NEK8: variants seen among roughly 807,000 people sequenced by gnomAD.
NEK8 encodes serine/threonine-protein kinase Nek8.
NEK8 carries 51 observed loss-of-function variants against 77.2 expected under a neutral mutation model. The ratio of observed to expected loss-of-function variants is 0.66; its 90% CI spans 0.53 to 0.83. The LOEUF is 0.83. Ranked by LOEUF, NEK8 falls within the 40% of genes least tolerant of loss-of-function variation. The probability of loss-of-function intolerance (pLI) is 0.00; values close to 1 mark genes in which losing one functional copy is unlikely to be tolerated. For missense variants in NEK8, 787 were observed against 909.2 expected, an observed-to-expected ratio of 0.87 and a Z score of 1.73; for synonymous variants, 365 against 363.2, an observed-to-expected ratio of 1.00 and a Z score of -0.06.
rs1373429777 is a variant in NEK8 at position 28,738,693 on chromosome 17, C to T, written c.1245C>T (p.Phe415=). Residue 415 remains phenylalanine, a synonymous_variant, in exon 9 of 15, where the codon TTC becomes TTT. Transcript: ENST00000268766. The part of the protein sequence containing the change: ...CLTDRGIIMT[F]GSGSNGCLGH... ...CAGACAGAGGCATCATCATGACATT[C>T]GGCAGCGGCAGCAATGGGTGCCTAG... 4.3e-6 allele frequency: 7 copies of T among 1,614,124 alleles called. No homozygotes were observed. Among genetic ancestry groups the T allele is most frequent in the African/African-American group, 2.7e-5 (2 of 75,046 alleles).
rs1567759132 is a variant in NEK8, at chr17:28,734,074, G to T, written c.139G>T (p.Ala47Ser). The change falls in exon 2 of 15, where the codon GCA (alanine) becomes TCA (serine). Residue 47 changes from alanine (A) to serine (S), a missense_variant. Transcript: ENST00000268766. ...ACAGATGACCAAGGAAGAGCGGCAG[G>T]CAGCCCAGAATGAGTGCCAGGTCCT... ...VEQMTKEERQ[A>S]AQNECQVLKL... 6.2e-7 allele frequency: 1 copy of T among 1,614,218 alleles called. No homozygotes were observed. The highest frequency in any genetic ancestry group is 8.5e-7 in the Non-Finnish European group (1 of 1,180,014).
intron 2 of NEK8, 181 bp from the exon 3 acceptor site, chr17:28,734,591 G>A (rs1431624865): frequency 4.9e-6 from 3 of 615,416 alleles, no homozygotes; most frequent in African/African-American, 3.7e-5. Flanking sequence ...GGCTGAGGCA[G>A]GAGAATGGCT....
At chr17:28,729,400 G>A (rs1050439281) in intron 1 of NEK8, among the ~76,000 whole-genome samples, 8 of 152,130 alleles carry the variant, frequency 5.3e-5, no homozygotes, top group Non-Finnish European at 1.0e-4. Context: ...CTGTCACCCC[G>A]GCTGGAGTTC....
rs2034409180 is a variant in NEK8 at position 28,740,434 on chromosome 17, A to G, written c.1418-29A>G. ...GGGCATCACCCCCACTAAAGCTCAAATTAACTCCTTCTGGGTTTCTTCTTG... is the reference window on the plus strand; with the variant it reads ...GGGCATCACCCCCACTAAAGCTCAAGTTAACTCCTTCTGGGTTTCTTCTTG... On this transcript the variant is annotated intron_variant, in intron 10 of 14. Coordinates refer to ENST00000268766, the MANE Select transcript of NEK8 (RefSeq NM_178170.3). The surrounding 1 kb of genome is among the most constrained non-coding windows in gnomAD (Gnocchi z 4.7). 2 of 1,613,306 alleles carry G rather than the reference A, an allele frequency of 1.2e-6. No individual in the cohort carries two copies. The highest frequency in any genetic ancestry group is 2.2e-5 in the South Asian group (2 of 91,066).
In NEK8 at chr17:28,738,107, G is replaced by C; in HGVS notation, c.1084G>C (p.Gly362Arg). Reference protein sequence around the residue: ...RLILWEAPPLGAGGGSLLPGA... With the variant: ...RLILWEAPPLRAGGGSLLPGA... ...CCTGCCCCTGCAGGCCCCACCCCTA[G>C]GTGCAGGCGGAGGCAGTCTCCTTCC... is the stretch of plus-strand genomic sequence containing the variant. Residue 362 changes from glycine (G) to arginine (R), a missense_variant, in exon 8 of 15, where the codon GGT (glycine) becomes CGT (arginine). Physicochemically the swap from Gly to Arg is moderately radical, Grantham distance 125 (BLOSUM62 -2). Coordinates refer to ENST00000268766, the MANE Select transcript of NEK8 (RefSeq NM_178170.3). 6.2e-7 allele frequency: 1 copy of C among 1,613,688 alleles called. No individual in the cohort carries two copies. Among genetic ancestry groups the C allele is most frequent in the Non-Finnish European group, 8.5e-7 (1 of 1,179,840 alleles).
rs752628748 is a variant in NEK8, at chr17:28,740,900, C to A, written c.1647C>A (p.Ser549Arg). The A allele has an allele frequency of 2.5e-6, 4 of 1,614,020 alleles. No individual in the cohort carries two copies. In the African/African-American group the frequency reaches 5.3e-5, roughly 22 times the overall value. Reference protein sequence around the residue: ...VPHQQVEEALSFTLLGSAPLD... With the variant: ...VPHQQVEEALRFTLLGSAPLD... ...ACCAGCAAGTGGAGGAGGCCCTGAG[C>A]TTCACACTACTAGGCTCTGCACCCC... Residue 549 changes from serine to arginine, a missense_variant, in exon 12 of 15, where the codon AGC becomes AGA. Ser to Arg is a moderately radical substitution (Grantham distance 110, BLOSUM62 -1). Transcript: ENST00000268766. This position sits in a 1 kb window ranked among gnomAD's most constrained non-coding sequence, Gnocchi z 4.7.
chr17:28,733,960 G>T (rs1183037053), intron 1 of NEK8, 23 bp from the exon 2 acceptor site: 5 of 1,609,994 alleles, frequency 3.1e-6, no homozygotes, highest in Non-Finnish European at 4.2e-6. Flanking sequence ...CTGGTAACCT[G>T]TCCCTGTCCT....
rs1567763575 is a variant in NEK8 at position 28,743,101 on chromosome 17, A to AT, written c.*1114_*1115insT. ...AAAAAAAAAAAAAAAAAAAAAAAAA[A>AT]AGTATTTGGTGCTTACCGGGACTCT... is the stretch of plus-strand genomic sequence containing the variant. On this transcript the variant is annotated 3_prime_UTR_variant, in exon 15 of 15. Coordinates refer to ENST00000268766, the MANE Select transcript of NEK8 (RefSeq NM_178170.3). The AT allele has an allele frequency of 6.9e-5, 10 of 144,698 alleles. No individual in the cohort carries two copies. Among genetic ancestry groups the AT allele is most frequent in the Non-Finnish European group, 6.0e-5 (4 of 66,146 alleles). 9.0% of individuals were successfully genotyped at this position (144,698 alleles called of 1,614,324 possible). A position where few individuals can be genotyped will look rare whatever the true frequency, so the allele number is the denominator to read the frequency against.
In NEK8 at chr17:28,740,736, A is replaced by G; in HGVS notation, c.1569-86A>G. ...AGGGGGTTGAGGGTGCTATTGGTTC[A>G]ACCCAGGGTGGGATCTGTCTCCTGG... On this transcript the variant is annotated intron_variant, in intron 11 of 14. Coordinates refer to ENST00000268766, the MANE Select transcript of NEK8 (RefSeq NM_178170.3). The surrounding 1 kb of genome is among the most constrained non-coding windows in gnomAD (Gnocchi z 4.7). 6.3e-7 allele frequency: 1 copy of G among 1,589,362 alleles called. No homozygotes were observed. The highest frequency in any genetic ancestry group is 2.2e-5 in the East Asian group (1 of 44,764).
rs2034410686 is a variant in NEK8, at chr17:28,740,585, G to A, written c.1540G>A (p.Gly514Ser). 1.2e-6 allele frequency: 2 copies of A among 1,614,080 alleles called. No homozygotes were observed. The highest frequency in any genetic ancestry group is 8.5e-7 in the Non-Finnish European group (1 of 1,180,026). ...IDSSMILTVP[G>S]QALACGSNRF... ...TTCCTCCATGATCCTCACTGTGCCT[G>A]GCCAAGCCCTAGCCTGTGGGAGCAA... The change falls in exon 11 of 15, where the codon GGC becomes AGC. Residue 514 changes from glycine to serine, a missense_variant. Physicochemically the swap from Gly to Ser is moderately conservative, Grantham distance 56 (BLOSUM62 0). This residue lies in a region of NEK8 where 516 missense variants were observed against 544.0 expected (regional missense o/e 0.95). Transcript: ENST00000268766. The surrounding 1 kb of genome is among the most constrained non-coding windows in gnomAD (Gnocchi z 4.7).
At position 28,740,821 on chromosome 17, in the gene NEK8, G is replaced by A; in HGVS notation, c.1569-1G>A. The A allele has an allele frequency of 6.2e-7, 1 of 1,613,578 alleles. No homozygotes were observed. ...GATTTGGCTTCTGGCTCTGCCCTCA[G>A]GTTCAACAAGCTGGGCCTGGACCAC... On this transcript the variant is annotated splice_acceptor_variant, in intron 11 of 14. Transcript: ENST00000268766. LOFTEE classifies it high-confidence loss of function. The surrounding 1 kb of genome is among the most constrained non-coding windows in gnomAD (Gnocchi z 4.7).
At chr17:28,729,592 G>C (rs921648005) in intron 1 of NEK8, among the ~76,000 whole-genome samples, 1 of 136,204 alleles carries the variant, frequency 7.3e-6, no homozygotes, top group Non-Finnish European at 1.5e-5. Flanking sequence ...GCGCGATCTC[G>C]AGTGCAGTGG....
In NEK8 at chr17:28,740,459, G is replaced by A. The variant is rs201812598; in HGVS notation, c.1418-4G>A. On this transcript the variant is annotated splice_polypyrimidine_tract_variant and splice_region_variant and intron_variant, in intron 10 of 14. Coordinates refer to ENST00000268766, the MANE Select transcript of NEK8 (RefSeq NM_178170.3). This position sits in a 1 kb window ranked among gnomAD's most constrained non-coding sequence, Gnocchi z 4.7. Reference sequence around the variant, plus strand: ...ATTAACTCCTTCTGGGTTTCTTCTTGTAGGCAGACTGGGGCTAGGCACCAG... The same window carrying A: ...ATTAACTCCTTCTGGGTTTCTTCTTATAGGCAGACTGGGGCTAGGCACCAG... 1 of 1,614,040 alleles carries A rather than the reference G, an allele frequency of 6.2e-7. No homozygotes were observed. The highest frequency in any genetic ancestry group is 8.5e-7 in the Non-Finnish European group (1 of 1,179,980).
intron 1 of NEK8, among the ~76,000 whole-genome samples, chr17:28,731,673 G>A (rs994185159): frequency 1.3e-5 from 2 of 150,142 alleles, no homozygotes; most frequent in Admixed American, 1.3e-4. Flanking sequence ...GCACCATCTC[G>A]GCTCATTGCA....
Position 28,737,589 on chromosome 17 carries a change from A to T in NEK8, c.827+75A>T, listed in dbSNP as rs772839851. On this transcript the variant is annotated intron_variant, in intron 5 of 14. Transcript: ENST00000268766. The surrounding 1 kb of genome is among the most constrained non-coding windows in gnomAD (Gnocchi z 4.8). ...AGTGGGAGCACAGGAGGTCTGAGGC[A>T]GAGGGAAACCTGGGGCAAGTCCTCC... 4 of 1,613,664 alleles carry T rather than the reference A, an allele frequency of 2.5e-6. No individual in the cohort carries two copies. The East Asian group carries it at 6.7e-5, about 27-fold the overall frequency.
intron 4 of NEK8, among the ~76,000 whole-genome samples, chr17:28,735,782 T>G (rs1484921470): frequency 6.6e-6 from 1 of 152,120 alleles, no homozygotes; most frequent in Non-Finnish European, 1.5e-5. Context: ...ATTTATTTAT[T>G]TTTTTTATTA....
rs755619522 is a variant in NEK8 at position 28,740,469 on chromosome 17, T to G, written c.1424T>G (p.Leu475Arg). Residue 475 changes from leucine to arginine, a missense_variant, in exon 11 of 15, where the codon CTG becomes CGG. By Grantham distance (102) the Leu-to-Arg change is moderately radical. Coordinates refer to ENST00000268766, the MANE Select transcript of NEK8 (RefSeq NM_178170.3). This position sits in a 1 kb window ranked among gnomAD's most constrained non-coding sequence, Gnocchi z 4.7. ...FAWGRGDSGR[L>R]GLGTRESHSC... ...TCTGGGTTTCTTCTTGTAGGCAGACTGGGGCTAGGCACCAGGGAGTCCCAC... is the reference window on the plus strand; with the variant it reads ...TCTGGGTTTCTTCTTGTAGGCAGACGGGGGCTAGGCACCAGGGAGTCCCAC... 2 of 1,614,084 alleles carry G rather than the reference T, an allele frequency of 1.2e-6. No homozygotes were observed. The highest frequency in any genetic ancestry group is 3.3e-5 in the Admixed American group (2 of 60,022).
chr17:28,740,548 A>G lies in NEK8; in HGVS notation c.1503A>G (p.Val501=). The change falls in exon 11 of 15, where the codon GTA becomes GTG. Residue 501 remains valine, a synonymous_variant. Coordinates refer to ENST00000268766, the MANE Select transcript of NEK8 (RefSeq NM_178170.3). This position sits in a 1 kb window ranked among gnomAD's most constrained non-coding sequence, Gnocchi z 4.7. ...MPPGQEAQRV[V]CGIDSSMILT... ...CAGGACAGGAAGCTCAGCGAGTTGTATGTGGTATCGATTCCTCCATGATCC... is the reference window on the plus strand; with the variant it reads ...CAGGACAGGAAGCTCAGCGAGTTGTGTGTGGTATCGATTCCTCCATGATCC... 7 of 1,614,166 alleles carry G rather than the reference A, an allele frequency of 4.3e-6. No homozygotes were observed. Among genetic ancestry groups the G allele is most frequent in the Non-Finnish European group, 5.9e-6 (7 of 1,180,004 alleles).
rs1429832361 is a variant in NEK8 at position 28,741,826 on chromosome 17, C to T, written c.2051-133C>T. On this transcript the variant is annotated intron_variant, in intron 14 of 14. Transcript: ENST00000268766. This position sits in a 1 kb window ranked among gnomAD's most constrained non-coding sequence, Gnocchi z 4.5. ...CATTCTTTCTCCTACTGCTGAGTCCCGTTGATGCTGAAACTCTCTTTCTGG... is the reference window on the plus strand; with the variant it reads ...CATTCTTTCTCCTACTGCTGAGTCCTGTTGATGCTGAAACTCTCTTTCTGG... The T allele has an allele frequency of 9.8e-6, 10 of 1,022,622 alleles. No individual in the cohort carries two copies. The East Asian group carries it at 1.2e-4, about 12-fold the overall frequency. The allele number at this position is 1,022,622 out of a possible 1,614,324, so 63.3% of individuals were successfully genotyped here. A position where few individuals can be genotyped will look rare whatever the true frequency, so the allele number is the denominator to read the frequency against.
Sources: allele counts gnomAD v4.1 joint callset (sites outside exome capture counted in the v4.1 genomes callset), GRCh38; gene constraint gnomAD v4.1.1; regional missense constraint gnomAD v4.1.1; non-coding constraint Gnocchi (gnomAD v3.1); transcripts MANE v1.5; gene names NCBI Gene and HGNC (gene_info 2026-07-23, HGNC 2026-07-21).